The following SOX5 variants were observed in gnomAD, a reference collection of about 807,000 sequenced individuals.
The protein encoded by SOX5 is transcription factor SOX-5.
In SOX5, 9 loss-of-function variants were observed where a neutral mutation model predicts 92.0. The ratio of observed to expected loss-of-function variants is 0.10; its 90% CI spans 0.06 to 0.17. SOX5 has a LOEUF of 0.17. Among genes scored for constraint, SOX5 ranks in the 10% least tolerant of loss-of-function variants. The pLI is 1.00. For missense variants in SOX5, 642 were observed against 944.5 expected (o/e 0.68, Z 4.20); for synonymous variants, 344 against 336.3 (o/e 1.02, Z -0.25).
At chr12:24,456,897 A>C (rs1282480415) in intron 1 of SOX5, among the ~76,000 whole-genome samples, 2 of 152,228 alleles carry the variant, frequency 1.3e-5, no homozygotes, top group Non-Finnish European at 2.9e-5. Flanking sequence ...GTGCCAAAAT[A>C]AATCATTTAC....
chr12:24,456,071 C>T (rs1942988191), intron 1 of SOX5, among the ~76,000 whole-genome samples: 2 of 152,138 alleles, frequency 1.3e-5, no homozygotes, highest in Admixed American at 6.5e-5. Context: ...CCTGAGAGCA[C>T]TTGCAATCTC....
intron 7 of SOX5, among the ~76,000 whole-genome samples, chr12:23,653,026 AGATAGATGGATGGATG>A (rs984596551): frequency 5.9e-5 from 5 of 84,076 alleles, no homozygotes; most frequent in South Asian, 3.8e-4. Flanking sequence ...ATGAATGTAC[AGATAGATGGATGGATG>A]GATGGATGGA....
At chr12:24,094,011 A>T (rs1184978751) in intron 4 of SOX5, among the ~76,000 whole-genome samples, 1 of 151,534 alleles carries the variant, frequency 6.6e-6, no homozygotes, top group African/African-American at 2.4e-5. Context: ...CAATGGTGTG[A>T]TCTCGGCTCA....
intron 4 of SOX5, among the ~76,000 whole-genome samples, chr12:24,050,734 T>G (rs893376859): frequency 1.3e-5 from 2 of 152,154 alleles, no homozygotes; most frequent in Non-Finnish European, 2.9e-5. Flanking sequence ...CTCATCTATA[T>G]GGTGACAACA....
At chr12:24,017,520 A>T (rs1953779250) in intron 4 of SOX5, among the ~76,000 whole-genome samples, 1 of 152,088 alleles carries the variant, frequency 6.6e-6, no homozygotes, top group East Asian at 1.9e-4. Context: ...GAATCACTTT[A>T]ACACAGGAGG....
At chr12:24,154,984 G>T (rs189888416) in intron 4 of SOX5, among the ~76,000 whole-genome samples, 3 of 152,118 alleles carry the variant, frequency 2.0e-5, no homozygotes, top group Non-Finnish European at 2.9e-5. Flanking sequence ...GATAACCACT[G>T]TGAGACTACT....
intron 7 of SOX5, among the ~76,000 whole-genome samples, chr12:23,661,851 A>T (rs2099030045): frequency 6.6e-6 from 1 of 152,142 alleles, no homozygotes; most frequent in Admixed American, 6.6e-5. Context: ...TAGTTGTTCA[A>T]ACTTAAAGGG....
At chr12:24,102,879 C>T (rs1946249645) in intron 4 of SOX5, among the ~76,000 whole-genome samples, 1 of 152,084 alleles carries the variant, frequency 6.6e-6, no homozygotes, top group African/African-American at 2.4e-5. Flanking sequence ...AAGCTATTAA[C>T]CTATGACAGA....
In SOX5 at chr12:24,239,225, A is replaced by G. The variant is rs114000510; in HGVS notation, c.-76-25808T>C. 6.8e-3 allele frequency among the ~76,000 whole-genome samples: 1,040 copies of G among 152,316 alleles called. 12 individuals are homozygous for G. The highest frequency in any genetic ancestry group is 0.024 in the African/African-American group (984 of 41,572). The stretch of plus-strand genomic sequence containing the variant: ...ATTCTTACCAAATAATAATTGCAGT[A>G]ATTGATATAACTATTTACAAACGCT... On this transcript the variant is annotated intron_variant, in intron 3 of 4. Coordinates refer to the SOX5 transcript ENST00000446891.
At chr12:24,525,646 T>A (rs1242716071) in intron 1 of SOX5, among the ~76,000 whole-genome samples, 2 of 151,756 alleles carry the variant, frequency 1.3e-5, no homozygotes, top group African/African-American at 4.8e-5. Context: ...CCGAGGCGAA[T>A]GGATCACGAG....
intron 3 of SOX5, among the ~76,000 whole-genome samples, chr12:24,247,649 T>C (rs1939121942): frequency 1.5e-5 from 2 of 133,720 alleles, no homozygotes; most frequent in Admixed American, 7.1e-5. Context: ...TATTTACTTT[T>C]TTTTTTTTTT....
At chr12:24,106,863 T>C (rs1946755694) in intron 4 of SOX5, among the ~76,000 whole-genome samples, 1 of 150,146 alleles carries the variant, frequency 6.7e-6, no homozygotes, top group Non-Finnish European at 1.5e-5. Flanking sequence ...TTAGAACTCA[T>C]TTAAGATTCC....
chr12:24,095,708 G>A (rs986273888), intron 4 of SOX5, among the ~76,000 whole-genome samples: 1 of 152,108 alleles, frequency 6.6e-6, no homozygotes, highest in Non-Finnish European at 1.5e-5. Context: ...GGGAGACCAG[G>A]TGGAGGTAAT....
intron 1 of SOX5, among the ~76,000 whole-genome samples, chr12:24,463,589 C>T (rs1462121909): frequency 6.6e-6 from 1 of 152,168 alleles, no homozygotes; most frequent in African/African-American, 2.4e-5. Context: ...GTGATACTAT[C>T]TTATTTGAAA....
At chr12:23,848,999 C>A (rs182104330) in intron 2 of SOX5, among the ~76,000 whole-genome samples, 1 of 152,264 alleles carries the variant, frequency 6.6e-6, no homozygotes, top group African/African-American at 2.4e-5. Context: ...ATTAAAATAT[C>A]TTTTTAAAAC....
intron 4 of SOX5, among the ~76,000 whole-genome samples, chr12:24,125,533 C>T (rs898156019): frequency 6.6e-6 from 1 of 152,096 alleles, no homozygotes; most frequent in Non-Finnish European, 1.5e-5. Context: ...ACCATTTTGC[C>T]CCTTCTGTTT....
chr12:24,069,302 C>T (rs1251371890), intron 4 of SOX5, among the ~76,000 whole-genome samples: 3 of 152,146 alleles, frequency 2.0e-5, no homozygotes, highest in South Asian at 2.1e-4. Context: ...TTCTCCACAC[C>T]TCAAGTTCAT....
chr12:24,004,349 C>A (rs1951928934), intron 4 of SOX5, among the ~76,000 whole-genome samples: 2 of 149,098 alleles, frequency 1.3e-5, no homozygotes, highest in Admixed American at 6.7e-5. Context: ...AAGCCATTGA[C>A]AAAGAAAATA....
chr12:24,045,230 T>C (rs1302968375), intron 4 of SOX5, among the ~76,000 whole-genome samples: 4 of 152,214 alleles, frequency 2.6e-5, no homozygotes, highest in Non-Finnish European at 5.9e-5. Flanking sequence ...CCCAGTGCTT[T>C]AGGTTATTCA....
Sources: gnomAD v4.1 joint callset for allele counts (sites outside exome capture counted in the v4.1 genomes callset) on GRCh38, gnomAD v4.1.1 for gene constraint, MANE v1.5 for transcripts, NCBI Gene and HGNC (gene_info 2026-07-23, HGNC 2026-07-21) for gene names.